Variants in ZFHX3 observed in about 807,000 individuals in gnomAD.
ZFHX3 encodes the protein zinc finger homeobox protein 3.
A neutral mutation model predicts 279.1 loss-of-function variants in ZFHX3; 42 were observed. The ratio of observed to expected loss-of-function variants is 0.15; its 90% CI spans 0.12 to 0.19. The LOEUF is 0.19. Ranked by LOEUF, ZFHX3 falls within the 10% of genes least tolerant of loss-of-function variation. ZFHX3 has a pLI of 1.00. For synonymous variants in ZFHX3, 2,293 were observed against 1,957.8 expected (o/e 1.17, Z -4.52); for missense variants, 4,981 against 4,754.0 (o/e 1.05, Z -1.40).
intron 4 of ZFHX3, among the ~76,000 whole-genome samples, chr16:73,281,274 T>C (rs1187795318): frequency 6.6e-6 from 1 of 152,164 alleles, no homozygotes; most frequent in South Asian, 2.1e-4. Context: ...GTGGTGTATA[T>C]ACACAATGGA....
rs2052615631 is a variant in ZFHX3, at chr16:73,646,048, G to A, written c.-1547+34132C>T. ...CCTTTTGGATGGGAAATTTTGAAATGTGTTTCAAAAGACTAAAAATGTGAC... is the reference window on the plus strand; with the variant it reads ...CCTTTTGGATGGGAAATTTTGAAATATGTTTCAAAAGACTAAAAATGTGAC... On this transcript the variant is annotated intron_variant, in intron 2 of 17. Transcript: ENST00000641206. Among the ~76,000 whole-genome samples the A allele has an allele frequency of 3.3e-5, 5 of 152,284 alleles. No individual in the cohort carries two copies. The South Asian group carries it at 1.0e-3, about 32-fold the overall frequency.
At chr16:73,548,051 C>T (rs889213827) in intron 2 of ZFHX3, among the ~76,000 whole-genome samples, 1 of 152,182 alleles carries the variant, frequency 6.6e-6, no homozygotes, top group Non-Finnish European at 1.5e-5. Context: ...TATAAACACA[C>T]GAGTCTGGTT....
chr16:73,538,754 C>T lies in ZFHX3; in HGVS notation c.-1546-82496G>A, dbSNP rs139926499. On this transcript the variant is annotated intron_variant, in intron 2 of 17. Coordinates refer to the ZFHX3 transcript ENST00000641206. The stretch of plus-strand genomic sequence containing the variant: ...CAAGCTTGACACCTCATATGGAAGC[C>T]GTCAGAAAAAGTGAACAGATAGATC... Among the ~76,000 whole-genome samples the T allele has an allele frequency of 1.3e-4, 20 of 152,242 alleles. No individual in the cohort carries two copies. The East Asian group carries it at 2.7e-3, about 21-fold the overall frequency.
intron 1 of ZFHX3, among the ~76,000 whole-genome samples, chr16:73,838,762 CTGTGTGTGTG>C (rs34111835): frequency 0.064 from 9,399 of 147,832 alleles, 681 homozygotes; most frequent in African/African-American, 0.18. Context: ...GTGTGTGTGT[CTGTGTGTGTG>C]TGTGTGTGTG....
Position 73,666,525 on chromosome 16 carries a change from AG to A in ZFHX3, c.-1547+13654del, listed in dbSNP as rs535255556. On this transcript the variant is annotated intron_variant, in intron 2 of 17. Transcript: ENST00000641206. ...TGAGACAGAAAATGCTCCCATATGA[AG>A]CCTTGAAGTTTCTACTACAGGAAAT... 4.7e-4 allele frequency among the ~76,000 whole-genome samples: 72 copies of A among 152,082 alleles called. 2 individuals are homozygous for A. Among genetic ancestry groups the A allele is most frequent in the African/African-American group, 1.6e-3 (67 of 41,344 alleles).
At chr16:73,416,135 A>AC (rs1555514987) in intron 3 of ZFHX3, among the ~76,000 whole-genome samples, 12 of 150,638 alleles carry the variant, frequency 8.0e-5, no homozygotes, top group Admixed American at 7.9e-4. Flanking sequence ...AAAAAAAAAA[A>AC]AAACAAAAAA....
At chr16:73,473,339 C>CGAAAAAAA (rs2018702616) in intron 2 of ZFHX3, among the ~76,000 whole-genome samples, 1 of 76,658 alleles carries the variant, frequency 1.3e-5, no homozygotes, top group Non-Finnish European at 2.3e-5. Flanking sequence ...TGTCTCAAAG[C>CGAAAAAAA]AAAAAAAAAA....
intron 5 of ZFHX3, among the ~76,000 whole-genome samples, chr16:72,822,997 A>G (rs2036837622): frequency 6.6e-6 from 1 of 152,194 alleles, no homozygotes; most frequent in Non-Finnish European, 1.5e-5. Context: ...CCCAACATAA[A>G]AATAGTTCAT....
At chr16:73,286,367 G>A (rs1006441991) in intron 4 of ZFHX3, among the ~76,000 whole-genome samples, 2 of 152,216 alleles carry the variant, frequency 1.3e-5, no homozygotes, top group South Asian at 2.1e-4. Context: ...TAGATTGGGC[G>A]GCCCCAAATT....
chr16:73,462,897 G>A (rs981263094), intron 2 of ZFHX3, among the ~76,000 whole-genome samples: 1 of 152,072 alleles, frequency 6.6e-6, no homozygotes, highest in African/African-American at 2.4e-5. Flanking sequence ...TTTTAGTCTG[G>A]GTTTGGCATC....
chr16:73,747,187 A>G (rs2053712320), intron 1 of ZFHX3, among the ~76,000 whole-genome samples: 1 of 152,098 alleles, frequency 6.6e-6, no homozygotes, highest in South Asian at 2.1e-4. Context: ...CCAGGAGTTC[A>G]AGACCAGCCT....
chr16:72,947,177 G>A (rs1960724809), intron 3 of ZFHX3, among the ~76,000 whole-genome samples: 1 of 152,222 alleles, frequency 6.6e-6, no homozygotes, highest in South Asian at 2.1e-4. Context: ...ACAAGGTAAG[G>A]GGGCTTCCCC....
intron 5 of ZFHX3, among the ~76,000 whole-genome samples, chr16:73,194,204 T>C (rs1968097910): frequency 6.6e-6 from 1 of 152,170 alleles, no homozygotes; most frequent in Non-Finnish European, 1.5e-5. Context: ...TCCTTTATTT[T>C]GTTTATTTAT....
intron 2 of ZFHX3, among the ~76,000 whole-genome samples, chr16:73,607,988 T>C (rs2052207938): frequency 6.6e-6 from 1 of 151,942 alleles, no homozygotes; most frequent in Non-Finnish European, 1.5e-5. Context: ...GTAGGTGGGT[T>C]GCCTGAGTCC....
chr16:73,232,895 CG>C (rs2012820923), intron 5 of ZFHX3: 1 of 152,046 alleles, frequency 6.6e-6, no homozygotes, highest in Admixed American at 6.6e-5. Flanking sequence ...CCGTTCCAAT[CG>C]TGCTCTCCAG....
chr16:72,856,587 C>T (rs905784130), intron 4 of ZFHX3, among the ~76,000 whole-genome samples: 1 of 152,190 alleles, frequency 6.6e-6, no homozygotes, highest in Admixed American at 6.5e-5. Context: ...CTGCCCAGGG[C>T]AGACAGAGGT....
intron 4 of ZFHX3, among the ~76,000 whole-genome samples, chr16:72,885,462 T>G (rs1475606386): frequency 6.6e-6 from 1 of 152,228 alleles, no homozygotes; most frequent in Non-Finnish European, 1.5e-5. Flanking sequence ...ACCCACAGGT[T>G]CACATGGGTT....
At chr16:73,767,960 C>T (rs1466999899) in intron 1 of ZFHX3, among the ~76,000 whole-genome samples, 1 of 152,160 alleles carries the variant, frequency 6.6e-6, no homozygotes. Flanking sequence ...TTAATGCTAG[C>T]AAACGTAGGG....
chr16:73,256,729 G>A (rs540859201), intron 5 of ZFHX3, among the ~76,000 whole-genome samples: 2 of 152,242 alleles, frequency 1.3e-5, no homozygotes, highest in East Asian at 3.9e-4. Context: ...AAAACTGAGG[G>A]ATCAAGTAAC....
Sources: gnomAD v4.1 joint callset for allele counts (sites outside exome capture counted in the v4.1 genomes callset) on GRCh38, gnomAD v4.1.1 for gene constraint, MANE v1.5 for transcripts, NCBI Gene and HGNC (gene_info 2026-07-23, HGNC 2026-07-21) for gene names.